GRM8: variants seen among roughly 807,000 people sequenced by gnomAD.
GRM8 encodes the protein glutamate metabotropic receptor 8.
A neutral mutation model predicts 87.2 loss-of-function variants in GRM8; 47 were observed. That is an observed-to-expected ratio of 0.54 (90% CI 0.43 to 0.69). The LOEUF is 0.69. GRM8 is among the 30% of genes least tolerant of loss of function. GRM8 has a pLI of 0.00. For synonymous variants in GRM8, 396 were observed against 404.5 expected (o/e 0.98, Z 0.25); for missense variants, 1,019 against 1,139.2 (o/e 0.89, Z 1.52).
At chr7:127,028,012 T>C (rs964587379) in intron 3 of GRM8, among the ~76,000 whole-genome samples, 1 of 152,186 alleles carries the variant, frequency 6.6e-6, no homozygotes, top group Non-Finnish European at 1.5e-5. Context: ...CCTCCATACC[T>C]AGTTTATTGA....
intron 6 of GRM8, among the ~76,000 whole-genome samples, chr7:126,859,887 A>T (rs1013733993): frequency 1.3e-5 from 2 of 152,190 alleles, no homozygotes; most frequent in African/African-American, 4.8e-5. Context: ...TGAAGAGAAT[A>T]TGTTAACTGG....
At chr7:126,501,650 A>G (rs1809660077) in intron 9 of GRM8, among the ~76,000 whole-genome samples, 1 of 152,066 alleles carries the variant, frequency 6.6e-6, no homozygotes, top group African/African-American at 2.4e-5. Context: ...GGGATTTGGG[A>G]AAACTTTGAA....
chr7:127,114,476 T>C (rs1212776985), intron 2 of GRM8, among the ~76,000 whole-genome samples: 1 of 152,108 alleles, frequency 6.6e-6, no homozygotes, highest in African/African-American at 2.4e-5. Flanking sequence ...ACACAGTTAG[T>C]AGGTTTAAGG....
Position 126,543,624 on chromosome 7 carries a change from T to A in GRM8, c.1495-9737A>T, listed in dbSNP as rs548584258. Among the ~76,000 whole-genome samples the A allele has an allele frequency of 2.6e-5, 4 of 152,338 alleles. No individual in the cohort carries two copies. The South Asian group carries it at 8.3e-4, about 32-fold the overall frequency. ...GGAATGACTGGTTTTGAAAGGCCGA[T>A]CATGACTTAGTTCATGGGTTTGTGA... On this transcript the variant is annotated intron_variant, in intron 8 of 10. Transcript: ENST00000339582.
At chr7:127,055,453 C>A (rs1379311318) in intron 3 of GRM8, among the ~76,000 whole-genome samples, 1 of 152,020 alleles carries the variant, frequency 6.6e-6, no homozygotes, top group African/African-American at 2.4e-5. Flanking sequence ...GCTGAACAAC[C>A]AATTAGTAGA....
chr7:126,978,648 A>G (rs1296294072), intron 3 of GRM8, among the ~76,000 whole-genome samples: 3 of 152,228 alleles, frequency 2.0e-5, no homozygotes, highest in Non-Finnish European at 2.9e-5. Context: ...GACCCTTGGT[A>G]AGACTTTTGC....
intron 2 of GRM8, among the ~76,000 whole-genome samples, chr7:127,234,085 C>A (rs1014510361): frequency 6.6e-6 from 1 of 152,190 alleles, no homozygotes; most frequent in African/African-American, 2.4e-5. Context: ...CCTCTTGTGA[C>A]CCTCTATTGA....
rs569768148 is a variant in GRM8 at position 127,171,949 on chromosome 7, C to T, written c.511-65237G>A. On this transcript the variant is annotated intron_variant, in intron 2 of 10. Coordinates refer to ENST00000339582, the MANE Select transcript of GRM8 (RefSeq NM_000845.3). Reference sequence around the variant, plus strand: ...GTTTGGGAATCATTCCAGCTCACTTCGAAAAAACTTATGATACTCCATATT... The same window carrying T: ...GTTTGGGAATCATTCCAGCTCACTTTGAAAAAACTTATGATACTCCATATT... Among the ~76,000 whole-genome samples, 7 of 151,302 alleles carry T rather than the reference C, an allele frequency of 4.6e-5. No individual in the cohort carries two copies. The East Asian group carries it at 7.7e-4, about 17-fold the overall frequency.
At chr7:126,447,943 C>A (rs779653064) in intron 9 of GRM8, among the ~76,000 whole-genome samples, 1 of 151,942 alleles carries the variant, frequency 6.6e-6, no homozygotes, top group African/African-American at 2.4e-5. Flanking sequence ...ACAATTAAGA[C>A]CATCCCAATG....
chr7:126,474,921 C>G (rs1805724045), intron 9 of GRM8, among the ~76,000 whole-genome samples: 1 of 152,054 alleles, frequency 6.6e-6, no homozygotes, highest in Non-Finnish European at 1.5e-5. Flanking sequence ...AGACATTTGA[C>G]AAAATTCAAC....
At chr7:126,511,984 C>G (rs1006820298) in intron 9 of GRM8, 5 of 152,014 alleles carry the variant, frequency 3.3e-5, no homozygotes, top group Non-Finnish European at 7.4e-5. Flanking sequence ...AGAGAATTAG[C>G]CGGTGTAGGA....
intron 2 of GRM8, among the ~76,000 whole-genome samples, chr7:127,127,968 G>C (rs76558867): frequency 6.6e-6 from 1 of 151,760 alleles, no homozygotes; most frequent in Non-Finnish European, 1.5e-5. Context: ...AAAATATCTC[G>C]GCGTCTTGAC....
intron 2 of GRM8, chr7:127,228,833 A>G (rs1201274260): frequency 1.3e-5 from 2 of 152,226 alleles, no homozygotes; most frequent in African/African-American, 2.4e-5. Context: ...TTCTTTCATA[A>G]GAACCATTTT....
intron 7 of GRM8, among the ~76,000 whole-genome samples, chr7:126,742,063 T>C (rs1178462903): frequency 6.6e-6 from 1 of 152,014 alleles, no homozygotes; most frequent in Non-Finnish European, 1.5e-5. Flanking sequence ...ACAGGAAAAG[T>C]TGGTCTTCAG....
At chr7:126,788,868 T>C (rs1395200456) in intron 6 of GRM8, among the ~76,000 whole-genome samples, 1 of 151,888 alleles carries the variant, frequency 6.6e-6, no homozygotes, top group Non-Finnish European at 1.5e-5. Context: ...TCAGCCTTAA[T>C]GAAAGATAAG....
intron 2 of GRM8, among the ~76,000 whole-genome samples, chr7:127,198,671 T>C (rs1795421371): frequency 7.2e-6 from 1 of 139,086 alleles, no homozygotes; most frequent in Non-Finnish European, 1.5e-5. Context: ...AGAAATGAAT[T>C]TTTTTTTTTT....
intron 3 of GRM8, among the ~76,000 whole-genome samples, chr7:127,027,876 T>C (rs1586792665): frequency 6.6e-6 from 1 of 152,094 alleles, no homozygotes; most frequent in Non-Finnish European, 1.5e-5. Flanking sequence ...ATGTTGAATA[T>C]GAGTGGTGAG....
In GRM8 at chr7:126,440,898, T is replaced by C. The variant is rs946360059; in HGVS notation, c.2678-1730A>G. Among the ~76,000 whole-genome samples the C allele has an allele frequency of 3.3e-5, 5 of 152,180 alleles. No homozygotes were observed. In the East Asian group the frequency reaches 9.7e-4, roughly 30 times the overall value. On this transcript the variant is annotated intron_variant, in intron 10 of 10. Coordinates refer to ENST00000339582, the MANE Select transcript of GRM8 (RefSeq NM_000845.3). Reference sequence around the variant, plus strand: ...AGCAATTTTAATCTGTCAAAATCAGTAGCCTCATTTATAGTATATAAATAT... The same window carrying C: ...AGCAATTTTAATCTGTCAAAATCAGCAGCCTCATTTATAGTATATAAATAT...
intron 3 of GRM8, among the ~76,000 whole-genome samples, chr7:126,945,981 G>A (rs1807491763): frequency 6.6e-6 from 1 of 152,204 alleles, no homozygotes; most frequent in Non-Finnish European, 1.5e-5. Flanking sequence ...ATATTCATGT[G>A]TTCAATGTGA....
Sources: gnomAD v4.1 joint callset for allele counts (sites outside exome capture counted in the v4.1 genomes callset) on GRCh38, gnomAD v4.1.1 for gene constraint, MANE v1.5 for transcripts, NCBI Gene and HGNC (gene_info 2026-07-23, HGNC 2026-07-21) for gene names.